The following PPP1R16B variants were observed in gnomAD, a reference collection of about 807,000 sequenced individuals.
The protein encoded by PPP1R16B is protein phosphatase 1 regulatory subunit 16B.
PPP1R16B carries 14 observed loss-of-function variants against 61.7 expected under a neutral mutation model. That is an observed-to-expected ratio of 0.23 (90% confidence interval 0.15 to 0.35). The LOEUF (loss-of-function observed/expected upper bound fraction) is 0.35. PPP1R16B is among the 10% of genes least tolerant of loss of function. The pLI is 1.00. For synonymous variants in PPP1R16B, 266 were observed against 305.3 expected (o/e 0.87, Z 1.34); for missense variants, 547 against 752.5 (o/e 0.73, Z 3.19).
intron 2 of PPP1R16B, among the ~76,000 whole-genome samples, chr20:38,867,548 G>A (rs2085098468): frequency 6.6e-6 from 1 of 152,180 alleles, no homozygotes; most frequent in Admixed American, 6.5e-5. Context: ...GGTTGTACCA[G>A]AGCTAAATGA....
intron 1 of PPP1R16B, among the ~76,000 whole-genome samples, chr20:38,831,906 T>C (rs1169440878): frequency 6.6e-6 from 1 of 152,216 alleles, no homozygotes; most frequent in African/African-American, 2.4e-5. Flanking sequence ...TCTGCTCCTT[T>C]TGGGCTGGGC....
chr20:38,825,899 G>A (rs939784563), intron 1 of PPP1R16B, among the ~76,000 whole-genome samples: 10 of 152,204 alleles, frequency 6.6e-5, no homozygotes, highest in African/African-American at 2.4e-4. Context: ...TTCAGCCATG[G>A]CAGGCTTTGC....
chr20:38,911,365 A>G (rs2085488469), intron 10 of PPP1R16B, among the ~76,000 whole-genome samples: 2 of 137,576 alleles, frequency 1.5e-5, no homozygotes, highest in African/African-American at 5.5e-5. Context: ...ACGGGGTTTC[A>G]CCGTGTTAGC....
chr20:38,877,244 A>G (rs1461978596), intron 2 of PPP1R16B, among the ~76,000 whole-genome samples: 1 of 152,024 alleles, frequency 6.6e-6, no homozygotes, highest in East Asian at 1.9e-4. Context: ...CTGCCCTCTG[A>G]TCTTTTCTTT....
At chr20:38,903,381 C>T (rs1259691512) in intron 6 of PPP1R16B, among the ~76,000 whole-genome samples, 1 of 152,152 alleles carries the variant, frequency 6.6e-6, no homozygotes, top group Non-Finnish European at 1.5e-5. Context: ...TGTCCATTCC[C>T]CTGCCTTAGT....
intron 1 of PPP1R16B, among the ~76,000 whole-genome samples, chr20:38,834,324 A>G (rs1480349048): frequency 6.6e-6 from 1 of 152,142 alleles, no homozygotes; most frequent in Non-Finnish European, 1.5e-5. Flanking sequence ...AGCTCTTTTT[A>G]TTCCTTGCAC....
intron 2 of PPP1R16B, among the ~76,000 whole-genome samples, chr20:38,851,669 C>A (rs1346361264): frequency 2.0e-5 from 3 of 152,048 alleles, no homozygotes; most frequent in African/African-American, 7.2e-5. Context: ...CAGAGTCTAG[C>A]AAAGTCATTG....
chr20:38,910,351 G>A (rs1267969307), intron 10 of PPP1R16B, among the ~76,000 whole-genome samples: 1 of 152,086 alleles, frequency 6.6e-6, no homozygotes. Flanking sequence ...AATTCATAGA[G>A]CATTTTCATC....
intron 5 of PPP1R16B, among the ~76,000 whole-genome samples, chr20:38,901,178 C>T (rs759496722): frequency 2.6e-5 from 4 of 152,266 alleles, no homozygotes; most frequent in African/African-American, 7.2e-5. Context: ...CGTGCCCCAG[C>T]ACCCCACAGA....
At chr20:38,815,784 C>T (rs2084731582) in intron 1 of PPP1R16B, among the ~76,000 whole-genome samples, 1 of 152,156 alleles carries the variant, frequency 6.6e-6, no homozygotes, top group Non-Finnish European at 1.5e-5. Context: ...ATCAAATATT[C>T]AGAAACTACA....
intron 2 of PPP1R16B, chr20:38,838,238 A>T (rs1202537570): frequency 6.6e-6 from 1 of 152,382 alleles, no homozygotes; most frequent in Non-Finnish European, 1.5e-5. Context: ...CCCATGGCCC[A>T]TCCCTGTATA....
At chr20:38,860,008 T>G (rs6028168) in intron 2 of PPP1R16B, among the ~76,000 whole-genome samples, 1 of 152,150 alleles carries the variant, frequency 6.6e-6, no homozygotes, top group Non-Finnish European at 1.5e-5. Flanking sequence ...AGTTTCACCC[T>G]TGTCACCCAG....
At chr20:38,895,766 A>ACTTCCTTCTTTCTCTCCTCCCTTCCTCC (rs1555807784) in intron 4 of PPP1R16B, 56 bp downstream of exon 4, 38,742 of 1,260,690 alleles carry the variant, frequency 0.031, 4,766 homozygotes, top group East Asian at 0.15. Flanking sequence ...TCTTTTTCCA[A>ACTTCCTTCTTTCTCTCCTCCCTTCCTCC]CTTCCTTCTT....
chr20:38,818,605 C>A lies in PPP1R16B; in HGVS notation c.-102+12813C>A, dbSNP rs138499610. 1.3e-3 allele frequency among the ~76,000 whole-genome samples: 195 copies of A among 152,278 alleles called. 3 individuals carry two copies. In the East Asian group the frequency reaches 0.03, roughly 23 times the overall value. On this transcript the variant is annotated intron_variant, in intron 1 of 10. Transcript: ENST00000299824. ...AAGGTAAGCGGTGGAGGCAAGGAAA[C>A]CACTTTGGGAACTGCTGCATTCAAT...
chr20:38,813,187 TG>T lies in PPP1R16B; in HGVS notation c.-102+7398del, dbSNP rs375747720. Among the ~76,000 whole-genome samples, 508 of 152,350 alleles carry T rather than the reference TG, an allele frequency of 3.3e-3. 5 individuals carry two copies. Among genetic ancestry groups the T allele is most frequent in the African/African-American group, 0.012 (482 of 41,578 alleles). ...TGCCCCTTCTCTGTGTGCCCAGGCC[TG>T]GGACCAGACTTGACAAAGAGGATGC... On this transcript the variant is annotated intron_variant, in intron 1 of 10. Transcript: ENST00000299824.
intron 10 of PPP1R16B, among the ~76,000 whole-genome samples, chr20:38,911,387 C>G (rs1020562631): frequency 6.9e-6 from 1 of 144,750 alleles, no homozygotes; most frequent in East Asian, 2.2e-4. Flanking sequence ...AGGATGGTCT[C>G]GATCTCCTGA....
chr20:38,878,594 A>G (rs1174765911), intron 2 of PPP1R16B, among the ~76,000 whole-genome samples: 1 of 152,228 alleles, frequency 6.6e-6, no homozygotes, highest in East Asian at 1.9e-4. Flanking sequence ...ATCTTGGGAA[A>G]ATCATATAAG....
At chr20:38,810,199 G>A (rs73905683) in intron 1 of PPP1R16B, among the ~76,000 whole-genome samples, 276 of 152,352 alleles carry the variant, frequency 1.8e-3, no homozygotes, top group African/African-American at 6.4e-3. Flanking sequence ...AGCATGTGCA[G>A]AGGCACCGAG....
At position 38,908,155 on chromosome 20, in the gene PPP1R16B, A is replaced by C. The variant is rs1347856864; in HGVS notation, c.1156A>C (p.Ile386Leu). ...GCGGACCTCCACCTACAACGGGGAC[A>C]TCAGGGAGACCAGGACAGACCAAGA... ...DQRTSTYNGD[I>L]RETRTDQENK... Residue 386 changes from isoleucine (I) to leucine (L), a missense_variant, in exon 10 of 11, where the codon ATC (isoleucine) becomes CTC (leucine). Physicochemically the swap from Ile to Leu is conservative, Grantham distance 5. Coordinates refer to ENST00000299824, the MANE Select transcript of PPP1R16B (RefSeq NM_015568.4). 2 of 1,614,138 alleles carry C rather than the reference A, an allele frequency of 1.2e-6. No individual in the cohort carries two copies. Among genetic ancestry groups the C allele is most frequent in the Non-Finnish European group, 8.5e-7 (1 of 1,180,050 alleles).
Sources: gnomAD v4.1 joint callset for allele counts (sites outside exome capture counted in the v4.1 genomes callset) on GRCh38, gnomAD v4.1.1 for gene constraint, MANE v1.5 for transcripts, NCBI Gene and HGNC (gene_info 2026-07-23, HGNC 2026-07-21) for gene names.